KATNIP: variants seen among roughly 807,000 people sequenced by gnomAD.
The protein encoded by KATNIP is katanin-interacting protein.
KATNIP carries 126 observed loss-of-function variants against 174.0 expected under a neutral mutation model. The observed-to-expected ratio is 0.72, with a 90% CI of 0.63 to 0.84. The LOEUF is 0.84. Ranked by LOEUF, KATNIP falls within the 40% of genes least tolerant of loss-of-function variation. The pLI, the probability that KATNIP is intolerant of heterozygous loss-of-function variation, is 0.00. For missense variants in KATNIP, 1,958 were observed against 2,109.7 expected (o/e 0.93, Z 1.41); for synonymous variants, 810 against 835.7 (o/e 0.97, Z 0.53).
intron 13 of KATNIP, among the ~76,000 whole-genome samples, chr16:27,717,812 C>T (rs538595948): frequency 2.0e-5 from 3 of 152,214 alleles, no homozygotes; most frequent in Middle Eastern, 3.4e-3. Context: ...ATAGAAGCCC[C>T]CCAGGAGCAG....
chr16:27,713,802 GTATATACATATA>G (rs1379790816), intron 13 of KATNIP, among the ~76,000 whole-genome samples: 4 of 46,328 alleles, frequency 8.6e-5, no homozygotes, highest in African/African-American at 4.0e-4. Context: ...GTGTGTGTGT[GTATATACATATA>G]TATATATATA....
chr16:27,628,926 G>C (rs1336789636), intron 4 of KATNIP, 96 bp downstream of exon 4: 1 of 1,279,730 alleles, frequency 7.8e-7, no homozygotes, highest in African/African-American at 1.5e-5. Context: ...ACATCACTTT[G>C]GGAGGCTGAG....
intron 3 of KATNIP, among the ~76,000 whole-genome samples, chr16:27,623,650 A>G (rs1015226773): frequency 6.6e-6 from 1 of 152,026 alleles, no homozygotes; most frequent in Non-Finnish European, 1.5e-5. Flanking sequence ...TATTATTATT[A>G]TCATCCTTTC....
chr16:27,563,925 A>G (rs957192853), intron 1 of KATNIP, among the ~76,000 whole-genome samples: 1 of 135,464 alleles, frequency 7.4e-6, no homozygotes, highest in African/African-American at 2.7e-5. Flanking sequence ...AAAGCTGGCC[A>G]TGATGGCACA....
intron 9 of KATNIP, among the ~76,000 whole-genome samples, chr16:27,698,974 C>T (rs902831234): frequency 5.9e-5 from 9 of 152,212 alleles, no homozygotes; most frequent in Non-Finnish European, 1.2e-4. Flanking sequence ...TTTGAGCTTC[C>T]GCCTGCTGCC....
At chr16:27,563,627 G>A (rs2089972437) in intron 1 of KATNIP, among the ~76,000 whole-genome samples, 1 of 152,116 alleles carries the variant, frequency 6.6e-6, no homozygotes, top group South Asian at 2.1e-4. Flanking sequence ...AATGAGGCTT[G>A]GATTCTTTTC....
At chr16:27,645,852 C>T (rs2076943654) in intron 5 of KATNIP, among the ~76,000 whole-genome samples, 1 of 152,182 alleles carries the variant, frequency 6.6e-6, no homozygotes, top group Non-Finnish European at 1.5e-5. Context: ...AGACTTCTAA[C>T]CACTAGCATT....
intron 22 of KATNIP, among the ~76,000 whole-genome samples, chr16:27,772,885 T>TCACATGCACACACACACA (rs1372173571): frequency 9.9e-5 from 15 of 151,532 alleles, no homozygotes; most frequent in Non-Finnish European, 2.2e-4. Flanking sequence ...ACATGAACAC[T>TCACATGCACACACACACA]CACATGCACA....
At chr16:27,573,872 A>C (rs754402676) in intron 1 of KATNIP, 29 bp from the exon 2 acceptor site, 16 of 1,613,044 alleles carry the variant, frequency 9.9e-6, no homozygotes, top group Non-Finnish European at 1.0e-5. Context: ...AACAGCCTTA[A>C]TCTTGGTTCT....
rs148185425 is a variant in KATNIP, at chr16:27,717,004, C to T, written c.1606-4554C>T. Among the ~76,000 whole-genome samples, 1,514 of 152,140 alleles carry T rather than the reference C, an allele frequency of 1.0e-2. 25 individuals are homozygous for T. Among genetic ancestry groups the T allele is most frequent in the African/African-American group, 0.035 (1,452 of 41,496 alleles). Reference sequence around the variant, plus strand: ...GGACTACGGGCGGCGCCACCACACCCGGCTAATTTTTGTATTTTTAGTAGA... The same window carrying T: ...GGACTACGGGCGGCGCCACCACACCTGGCTAATTTTTGTATTTTTAGTAGA... On this transcript the variant is annotated intron_variant, in intron 13 of 27. Coordinates refer to ENST00000261588, the MANE Select transcript of KATNIP (RefSeq NM_015202.5).
intron 4 of KATNIP, among the ~76,000 whole-genome samples, 176 bp downstream of exon 4, chr16:27,629,006 A>G (rs1265697062): frequency 1.3e-5 from 2 of 152,004 alleles, no homozygotes; most frequent in African/African-American, 4.8e-5. Flanking sequence ...TATCTCTACT[A>G]AAAATACGAA....
intron 14 of KATNIP, among the ~76,000 whole-genome samples, chr16:27,724,814 C>G (rs549797902): frequency 5.9e-5 from 9 of 152,210 alleles, no homozygotes; most frequent in African/African-American, 2.2e-4. Context: ...GTAGACAAGG[C>G]TTGTTAATAG....
chr16:27,776,878 C>G lies in KATNIP; in HGVS notation c.4450-50C>G, dbSNP rs754024890. 29 of 1,365,724 alleles carry G rather than the reference C, an allele frequency of 2.1e-5. No individual in the cohort carries two copies. Among genetic ancestry groups the G allele is most frequent in the Non-Finnish European group, 3.0e-5 (29 of 955,926 alleles). 84.6% of individuals were successfully genotyped at this position (1,365,724 alleles called of 1,614,324 possible). A position where few individuals can be genotyped will look rare whatever the true frequency, so the allele number is the denominator to read the frequency against. ...GCCTGGCACCCCCAGCCCAGCCAAG[C>G]GCCTCTGTTTCCAAACATGCCTGTT... is the stretch of plus-strand genomic sequence containing the variant. On this transcript the variant is annotated intron_variant, in intron 24 of 27. Transcript: ENST00000261588. This position sits in a 1 kb window ranked among gnomAD's most constrained non-coding sequence, Gnocchi z 4.7.
intron 3 of KATNIP, among the ~76,000 whole-genome samples, chr16:27,618,850 T>G (rs567681099): frequency 2.0e-4 from 31 of 152,204 alleles, no homozygotes; most frequent in Non-Finnish European, 4.3e-4. Context: ...GCTTTGACAG[T>G]CCCTGAAATC....
intron 5 of KATNIP, among the ~76,000 whole-genome samples, chr16:27,646,849 C>G (rs1034775043): frequency 6.6e-6 from 1 of 152,200 alleles, no homozygotes; most frequent in Admixed American, 6.5e-5. Flanking sequence ...CCCAGGAACC[C>G]CTGTTACTCT....
At chr16:27,577,554 TG>T (rs142956304) in intron 2 of KATNIP, among the ~76,000 whole-genome samples, 5,385 of 152,138 alleles carry the variant, frequency 0.035, 144 homozygotes, top group Non-Finnish European at 0.052. Context: ...TAGCCGGACG[TG>T]GTGGCAGGTG....
intron 2 of KATNIP, among the ~76,000 whole-genome samples, chr16:27,602,760 A>G (rs1480182221): frequency 2.0e-5 from 3 of 151,944 alleles, no homozygotes; most frequent in African/African-American, 4.8e-5. Context: ...GTGCAGTGGC[A>G]CAATCTCGGC....
Position 27,778,544 on chromosome 16 carries a change from C to G in KATNIP, c.4802-30C>G, listed in dbSNP as rs765078042. On this transcript the variant is annotated intron_variant, in intron 27 of 27. Transcript: ENST00000261588. ...CCCTCCAGGGTTTGAGACTTAGTAA[C>G]TCTGGTCCCTCTGTTCCCTGTCATG... 4 of 1,611,034 alleles carry G rather than the reference C, an allele frequency of 2.5e-6. No homozygotes were observed. In the South Asian group the frequency reaches 4.4e-5, roughly 18 times the overall value.
rs535429014 is a variant in KATNIP, at chr16:27,776,696, A to G, written c.4450-232A>G. ...AATGAGGGCTCCGACAGGCCCAAGA[A>G]CACAGGCCCTCCAAAAGCCAGCTCA... is the stretch of plus-strand genomic sequence containing the variant. On this transcript the variant is annotated intron_variant, in intron 24 of 27. Transcript: ENST00000261588. The surrounding 1 kb of genome is among the most constrained non-coding windows in gnomAD (Gnocchi z 4.7). Among the ~76,000 whole-genome samples, 2 of 152,336 alleles carry G rather than the reference A, an allele frequency of 1.3e-5. No homozygotes were observed. The highest frequency in any genetic ancestry group is 4.8e-5 in the African/African-American group (2 of 41,584).
Sources: gnomAD v4.1 joint callset for allele counts (sites outside exome capture counted in the v4.1 genomes callset) on GRCh38, gnomAD v4.1.1 for gene constraint, Gnocchi (gnomAD v3.1) non-coding constraint, MANE v1.5 for transcripts, NCBI Gene and HGNC (gene_info 2026-07-23, HGNC 2026-07-21) for gene names.